The following FGF14 variants were observed in gnomAD, a reference collection of about 807,000 sequenced individuals.
The protein encoded by FGF14 is fibroblast growth factor 14, also known as fibroblast growth factor homologous factor 4.
Under a neutral mutation model 25.5 loss-of-function variants are expected in FGF14, and 5 were observed. That is an observed-to-expected ratio of 0.20 (90% confidence interval 0.10 to 0.41). The LOEUF is 0.41. Ranked by LOEUF, FGF14 falls within the 10% of genes least tolerant of loss-of-function variation. The probability of loss-of-function intolerance (pLI) is 1.00; values close to 1 mark genes in which losing one functional copy is unlikely to be tolerated. For missense variants in FGF14, 222 were observed against 320.1 expected (o/e 0.69, Z 2.34); for synonymous variants, 138 against 118.3 (o/e 1.17, Z -1.08).
intron 3 of FGF14, among the ~76,000 whole-genome samples, chr13:101,758,037 T>C (rs868817406): frequency 3.9e-5 from 6 of 152,196 alleles, no homozygotes; most frequent in South Asian, 2.1e-4. Flanking sequence ...TGACTGCTTA[T>C]ATTGTAGGCA....
intron 1 of FGF14, among the ~76,000 whole-genome samples, chr13:102,033,606 G>A (rs1331404964): frequency 6.6e-6 from 1 of 152,082 alleles, no homozygotes; most frequent in Non-Finnish European, 1.5e-5. Flanking sequence ...ACTTTCTCCT[G>A]ATCTGTAAAG....
At chr13:102,091,832 A>T (rs1319714813) in intron 1 of FGF14, among the ~76,000 whole-genome samples, 3 of 152,106 alleles carry the variant, frequency 2.0e-5, no homozygotes, top group Non-Finnish European at 4.4e-5. Flanking sequence ...ACAACTTTTT[A>T]CTAATTAAGA....
intron 3 of FGF14, among the ~76,000 whole-genome samples, chr13:101,748,530 C>T (rs115629518): frequency 1.2e-3 from 186 of 151,314 alleles, no homozygotes; most frequent in Non-Finnish European, 2.2e-3. Context: ...TTAATGGGTA[C>T]AACGTACACT....
rs1181206072 is a variant in FGF14 at position 101,820,788 on chromosome 13, A to AC, written c.408+47936dup. On this transcript the variant is annotated intron_variant, in intron 3 of 4. Coordinates refer to ENST00000376143, the MANE Select transcript of FGF14 (RefSeq NM_004115.4). ...CACACACACCACACACCACACACAC[A>AC]CACACACACACACACACAACACACA... Among the ~76,000 whole-genome samples, 31 of 27,298 alleles carry AC rather than the reference A, an allele frequency of 1.1e-3. 1 individual carries two copies. The highest frequency in any genetic ancestry group is 3.6e-3 in the Admixed American group (8 of 2,198). The allele number at this position is 27,298 out of a possible 152,430, so 17.9% of individuals were successfully genotyped here.
chr13:102,257,401 G>A (rs2052501636), intron 1 of FGF14, among the ~76,000 whole-genome samples: 1 of 127,266 alleles, frequency 7.9e-6, no homozygotes. Flanking sequence ...ACCCAGGCTG[G>A]AGCACAGTGG....
intron 1 of FGF14, among the ~76,000 whole-genome samples, chr13:102,012,150 T>A (rs1160518735): frequency 6.6e-6 from 1 of 151,986 alleles, no homozygotes; most frequent in Non-Finnish European, 1.5e-5. Context: ...AACTAATCAA[T>A]TTGCCGATCC....
chr13:101,931,185 A>T (rs2034726359), intron 1 of FGF14, among the ~76,000 whole-genome samples: 1 of 152,094 alleles, frequency 6.6e-6, no homozygotes. Flanking sequence ...CAGGAGAGCT[A>T]TTGCTGAGAT....
chr13:102,402,100 A>G, upstream of FGF14: 1 of 190,476 alleles, frequency 5.3e-6, no homozygotes. Context: ...AAAAGAAAAA[A>G]AAACACCACC....
At position 102,156,993 on chromosome 13, in the gene FGF14, G is replaced by C. The variant is rs571538226; in HGVS notation, c.208+244478C>G. Among the ~76,000 whole-genome samples the C allele has an allele frequency of 4.0e-3, 614 of 152,152 alleles. 6 individuals are homozygous for C. The highest frequency in any genetic ancestry group is 0.012 in the African/African-American group (509 of 41,520). On this transcript the variant is annotated intron_variant, in intron 1 of 4. Transcript: ENST00000376131. ...TCAAGGAGAACTACAAACCACTGCT[G>C]AATGAAATAAAAGATGACACAAACA...
At chr13:102,070,451 C>G (rs1402885599) in intron 1 of FGF14, among the ~76,000 whole-genome samples, 1 of 152,184 alleles carries the variant, frequency 6.6e-6, no homozygotes, top group Non-Finnish European at 1.5e-5. Flanking sequence ...ATTACAACAA[C>G]CACTGTAGAG....
At chr13:101,732,486 T>A (rs2035877309) in intron 3 of FGF14, among the ~76,000 whole-genome samples, 1 of 152,008 alleles carries the variant, frequency 6.6e-6, no homozygotes. Context: ...TTTTCCAGAG[T>A]CATCCACGAA....
chr13:102,344,770 G>T (rs759225491), intron 1 of FGF14, among the ~76,000 whole-genome samples: 1 of 152,234 alleles, frequency 6.6e-6, no homozygotes, highest in African/African-American at 2.4e-5. Flanking sequence ...AAGACTTAGA[G>T]TTTGACACAG....
chr13:102,332,568 A>ATTTCTCCAGAAAACAACCAACTC (rs1272196577), intron 1 of FGF14, among the ~76,000 whole-genome samples: 3 of 151,310 alleles, frequency 2.0e-5, no homozygotes, highest in Admixed American at 2.0e-4. Context: ...GCAACCCATG[A>ATTTCTCCAGAAAACAACCAACTC]TTTCTCCAGA....
intron 1 of FGF14, among the ~76,000 whole-genome samples, chr13:102,372,423 C>G (rs188688275): frequency 6.6e-6 from 1 of 152,134 alleles, no homozygotes; most frequent in Non-Finnish European, 1.5e-5. Flanking sequence ...TATCTGGCAA[C>G]TCTACAAAGC....
chr13:102,214,009 C>A (rs1566824553), intron 1 of FGF14, among the ~76,000 whole-genome samples: 2 of 152,236 alleles, frequency 1.3e-5, no homozygotes, highest in South Asian at 4.1e-4. Flanking sequence ...GGAGTCAGGT[C>A]TTACAGACAA....
At chr13:101,855,929 G>C (rs955390834) in intron 3 of FGF14, among the ~76,000 whole-genome samples, 2 of 150,540 alleles carry the variant, frequency 1.3e-5, no homozygotes, top group Non-Finnish European at 3.0e-5. Flanking sequence ...AGAACACAGG[G>C]GAACTCTTGC....
intron 3 of FGF14, among the ~76,000 whole-genome samples, chr13:101,770,089 C>G (rs748724198): frequency 6.6e-6 from 1 of 151,888 alleles, no homozygotes; most frequent in Non-Finnish European, 1.5e-5. Flanking sequence ...GTGCCTTCAT[C>G]TCACTTTTTC....
At chr13:102,280,154 C>T (rs968021481) in intron 1 of FGF14, among the ~76,000 whole-genome samples, 1 of 152,172 alleles carries the variant, frequency 6.6e-6, no homozygotes, top group African/African-American at 2.4e-5. Context: ...AGTACCTTCT[C>T]AGACCACATG....
chr13:102,095,596 T>A (rs2044356189), intron 1 of FGF14, among the ~76,000 whole-genome samples: 1 of 152,154 alleles, frequency 6.6e-6, no homozygotes, highest in Admixed American at 6.6e-5. Flanking sequence ...CCTCTCCATC[T>A]CTGTCACCTA....
Sources: gnomAD v4.1 joint callset for allele counts (sites outside exome capture counted in the v4.1 genomes callset) on GRCh38, gnomAD v4.1.1 for gene constraint, MANE v1.5 for transcripts, NCBI Gene and HGNC (gene_info 2026-07-23, HGNC 2026-07-21) for gene names.